The following MCC variants were observed in gnomAD, a reference collection of about 807,000 sequenced individuals.
The protein encoded by MCC is colorectal mutant cancer protein.
In MCC, 90 loss-of-function variants were observed where a neutral mutation model predicts 116.2. The ratio of observed to expected loss-of-function variants is 0.77; its 90% confidence interval spans 0.65 to 0.92. The LOEUF (loss-of-function observed/expected upper bound fraction) is 0.92. MCC is among the 40% of genes least tolerant of loss of function. The pLI is 0.00. For synonymous variants in MCC, 578 were observed against 510.5 expected (o/e 1.13, Z -1.78); for missense variants, 1,516 against 1,312.2 (o/e 1.16, Z -2.40).
At chr5:113,089,995 A>G (rs7714492) in intron 8 of MCC, among the ~76,000 whole-genome samples, 69,501 of 152,012 alleles carry the variant, frequency 0.46, 17,456 homozygotes, top group African/African-American at 0.69. Flanking sequence ...GGTATGTAAG[A>G]GAGGGCTTAT....
chr5:113,444,372 G>A (rs73779022), intron 1 of MCC, among the ~76,000 whole-genome samples: 11,886 of 152,088 alleles, frequency 0.078, 1,042 homozygotes, highest in African/African-American at 0.22. Context: ...ACAGAGATTG[G>A]GATTACTACA....
intron 4 of MCC, among the ~76,000 whole-genome samples, chr5:113,143,882 G>T (rs1006166878): frequency 1.3e-5 from 2 of 152,134 alleles, no homozygotes; most frequent in Non-Finnish European, 2.9e-5. Flanking sequence ...GTTTGTCAGG[G>T]TTTGTTTCAG....
At chr5:113,432,958 T>C (rs1473239652) in intron 1 of MCC, 1 of 152,056 alleles carries the variant, frequency 6.6e-6, no homozygotes, top group African/African-American at 2.4e-5. Flanking sequence ...ATAAGAAAAA[T>C]CAAAACTGAA....
intron 3 of MCC, among the ~76,000 whole-genome samples, chr5:113,201,387 C>A (rs1471551449): frequency 5.5e-4 from 71 of 128,230 alleles, no homozygotes; most frequent in East Asian, 1.2e-3. Flanking sequence ...ACGCCATCTC[C>A]AAAAAAAAAA....
intron 5 of MCC, among the ~76,000 whole-genome samples, chr5:113,134,207 G>A (rs1020401626): frequency 5.3e-5 from 8 of 152,152 alleles, no homozygotes; most frequent in African/African-American, 1.9e-4. Flanking sequence ...TGATAGTTCA[G>A]GTCTTATGTC....
intron 3 of MCC, among the ~76,000 whole-genome samples, chr5:113,241,101 T>A (rs1444065263): frequency 1.3e-5 from 2 of 152,226 alleles, no homozygotes; most frequent in African/African-American, 4.8e-5. Context: ...TTTAGTTTCA[T>A]AGTAATAATA....
At chr5:113,469,060 G>T (rs1268672662) in intron 1 of MCC, among the ~76,000 whole-genome samples, 1 of 152,088 alleles carries the variant, frequency 6.6e-6, no homozygotes, top group Non-Finnish European at 1.5e-5. Flanking sequence ...GTGTCTATTT[G>T]ATTCTTCTCT....
At chr5:113,327,410 G>A (rs1228616396) in intron 3 of MCC, among the ~76,000 whole-genome samples, 1 of 151,186 alleles carries the variant, frequency 6.6e-6, no homozygotes, top group African/African-American at 2.4e-5. Flanking sequence ...GCCGGGTGTG[G>A]TGGTGTGAGC....
chr5:113,460,862 A>T (rs966136661), intron 1 of MCC, among the ~76,000 whole-genome samples: 3 of 152,244 alleles, frequency 2.0e-5, no homozygotes, highest in Admixed American at 2.0e-4. Context: ...GCAGAATCTA[A>T]ATTTGCAATT....
intron 3 of MCC, among the ~76,000 whole-genome samples, chr5:113,185,017 G>A (rs1272122829): frequency 2.0e-5 from 3 of 152,208 alleles, no homozygotes; most frequent in African/African-American, 7.2e-5. Context: ...AGAAAAGGCT[G>A]CAAAGGCACC....
At chr5:113,391,637 G>A (rs930336299) in intron 1 of MCC, among the ~76,000 whole-genome samples, 103 of 152,178 alleles carry the variant, frequency 6.8e-4, no homozygotes, top group African/African-American at 2.4e-3. Flanking sequence ...AAGGTCACTT[G>A]AGTCCAGGAG....
At chr5:113,040,572 G>A (rs1490318154) in intron 17 of MCC, among the ~76,000 whole-genome samples, 6 of 152,004 alleles carry the variant, frequency 3.9e-5, no homozygotes, top group East Asian at 1.9e-4. Context: ...AAAGGTGTTC[G>A]TTTCCATTTG....
rs1229213218 is a variant in MCC, at chr5:113,220,057, C to CTTTTTTTTTTTTTTTTTTTTTTTT, written c.628-68636_628-68635insAAAAAAAAAAAAAAAAAAAAAAAA. Reference sequence around the variant, plus strand: ...AACTTTGGAATCTGCATGTCAATTTCTTTTTCTTTTTTTTTTTTGAGACGG... The same window carrying CTTTTTTTTTTTTTTTTTTTTTTTT: ...AACTTTGGAATCTGCATGTCAATTTCTTTTTTTTTTTTTTTTTTTTTTTTTTTTTCTTTTTTTTTTTTGAGACGG... On this transcript the variant is annotated intron_variant, in intron 3 of 18. Coordinates refer to ENST00000408903, the MANE Select transcript of MCC (RefSeq NM_001085377.2). Among the ~76,000 whole-genome samples, 5 of 79,498 alleles carry CTTTTTTTTTTTTTTTTTTTTTTTT rather than the reference C, an allele frequency of 6.3e-5. 2 individuals are homozygous for CTTTTTTTTTTTTTTTTTTTTTTTT. Among genetic ancestry groups the CTTTTTTTTTTTTTTTTTTTTTTTT allele is most frequent in the Non-Finnish European group, 7.0e-5 (2 of 28,694 alleles). The allele number at this position is 79,498 out of a possible 152,430, so 52.2% of individuals were successfully genotyped here.
At chr5:113,101,413 T>C in intron 8 of MCC, 1 of 242,736 alleles carries the variant, frequency 4.1e-6, no homozygotes, top group Admixed American at 5.0e-5. Context: ...TAAAGACTAT[T>C]AGTTTATCCT....
At chr5:113,105,676 T>C (rs2150257531) in intron 6 of MCC, among the ~76,000 whole-genome samples, 1 of 152,282 alleles carries the variant, frequency 6.6e-6, no homozygotes, top group South Asian at 2.1e-4. Context: ...GACCTCTTAT[T>C]ACCATCTCTA....
intron 3 of MCC, among the ~76,000 whole-genome samples, chr5:113,303,679 G>A (rs1766916566): frequency 6.6e-6 from 1 of 151,650 alleles, no homozygotes; most frequent in African/African-American, 2.4e-5. Context: ...TCTTTTTTTT[G>A]AGACAGAGTC....
chr5:113,362,866 G>C (rs1259573923), intron 2 of MCC, among the ~76,000 whole-genome samples: 1 of 152,132 alleles, frequency 6.6e-6, no homozygotes, highest in African/African-American at 2.4e-5. Flanking sequence ...GATGACTCCA[G>C]GGTGGAGGGA....
At chr5:113,369,174 G>A (rs1353848501) in intron 2 of MCC, among the ~76,000 whole-genome samples, 1 of 151,764 alleles carries the variant, frequency 6.6e-6, no homozygotes, top group Non-Finnish European at 1.5e-5. Flanking sequence ...GACCATTGGT[G>A]ATCAACTTAA....
At position 113,037,719 on chromosome 5, in the gene MCC, G is replaced by A. The variant is rs531467786; in HGVS notation, c.2756+5811C>T. Among the ~76,000 whole-genome samples, 395 of 152,244 alleles carry A rather than the reference G, an allele frequency of 2.6e-3. 6 individuals are homozygous for A. Among genetic ancestry groups the A allele is most frequent in the African/African-American group, 8.4e-3 (349 of 41,530 alleles). Reference sequence around the variant, plus strand: ...AAAAAAGTACCAGAGAAGACTCAGAGAATAGCGGGAAGATACATGATGGAG... The same window carrying A: ...AAAAAAGTACCAGAGAAGACTCAGAAAATAGCGGGAAGATACATGATGGAG... On this transcript the variant is annotated intron_variant, in intron 17 of 18. Coordinates refer to ENST00000408903, the MANE Select transcript of MCC (RefSeq NM_001085377.2).
Sources: gnomAD v4.1 joint callset for allele counts (sites outside exome capture counted in the v4.1 genomes callset) on GRCh38, gnomAD v4.1.1 for gene constraint, MANE v1.5 for transcripts, NCBI Gene and HGNC (gene_info 2026-07-23, HGNC 2026-07-21) for gene names.